GAK: variants seen among roughly 807,000 people sequenced by gnomAD.
GAK encodes cyclin-G-associated kinase.
GAK carries 79 observed loss-of-function variants against 143.9 expected under a neutral mutation model. The observed-to-expected ratio is 0.55, with a 90% confidence interval of 0.46 to 0.66. GAK has a LOEUF of 0.66. Among genes scored for constraint, GAK ranks in the 30% least tolerant of loss-of-function variants. GAK has a pLI of 0.00. For synonymous variants in GAK, 881 were observed against 765.5 expected (o/e 1.15, Z -2.49); for missense variants, 1,693 against 1,779.7 (o/e 0.95, Z 0.88).
intron 4 of GAK, among the ~76,000 whole-genome samples, chr4:905,599 G>A (rs531830658): frequency 7.8e-5 from 11 of 141,664 alleles, no homozygotes; most frequent in South Asian, 2.3e-4. Context: ...GCCACGTTAC[G>A]GACTCCGCCA....
chr4:855,022 C>G (rs111504509), intron 24 of GAK, among the ~76,000 whole-genome samples: 2 of 152,134 alleles, frequency 1.3e-5, no homozygotes, highest in African/African-American at 4.8e-5. Flanking sequence ...CCAGCCTGGG[C>G]GACAGAGCGA....
chr4:928,019 A>G (rs956531186), intron 1 of GAK, among the ~76,000 whole-genome samples: 20 of 152,308 alleles, frequency 1.3e-4, no homozygotes, highest in African/African-American at 4.6e-4. Flanking sequence ...CCTATGTGGG[A>G]AGAGGGTCGG....
intron 24 of GAK, 161 bp downstream of exon 24, chr4:859,445 G>A (rs781291412): frequency 1.3e-6 from 2 of 1,588,378 alleles, no homozygotes; most frequent in East Asian, 2.3e-5. Context: ...CCTGGAACAG[G>A]TGCAGACACG....
chr4:851,885 G>C lies in GAK; in HGVS notation c.3373C>G (p.Pro1125Ala). 1 of 1,611,140 alleles carries C rather than the reference G, an allele frequency of 6.2e-7. No homozygotes were observed. Among genetic ancestry groups the C allele is most frequent in the South Asian group, 1.1e-5 (1 of 90,854 alleles). The change falls in exon 25 of 28, where the codon CCA becomes GCA. Residue 1125 changes from proline to alanine, a missense_variant. Pro to Ala is a conservative substitution (Grantham distance 27). Around this residue, in one of 2 missense-constraint regions of GAK, gnomAD observed 822 missense variants for 788.7 expected, o/e 1.04. Coordinates refer to ENST00000314167, the MANE Select transcript of GAK (RefSeq NM_005255.4). ...GGGGGCCATGAGGCGCCCTGGGCTG[G>C]CGGCCGACTTGTCTGCCAGGAGCTG... ...GSSSWQTSRP[P>A]AQGASWPPQA...
At chr4:924,533 G>A (rs941249378) in intron 1 of GAK, among the ~76,000 whole-genome samples, 14 of 152,034 alleles carry the variant, frequency 9.2e-5, no homozygotes, top group African/African-American at 2.7e-4. Context: ...TCATAACAGC[G>A]GATACGGTTT....
At chr4:914,461 AGTGT>A in intron 1 of GAK, among the ~76,000 whole-genome samples, 1 of 64,248 alleles carries the variant, frequency 1.6e-5, no homozygotes, top group African/African-American at 6.8e-5. Context: ...ACACAGCCCC[AGTGT>A]GCACGGCCCC....
chr4:931,932 G>C (rs901311537), intron 1 of GAK, 111 bp downstream of exon 1: 1 of 802,450 alleles, frequency 1.2e-6, no homozygotes, highest in East Asian at 2.8e-5. Flanking sequence ...GATCCCGCTG[G>C]GACCCTCCCC....
At position 849,418 on chromosome 4, in the gene GAK, A is replaced by C. The variant is rs906344064; in HGVS notation, c.*255T>G. On this transcript the variant is annotated 3_prime_UTR_variant, in exon 28 of 28. Coordinates refer to ENST00000314167, the MANE Select transcript of GAK (RefSeq NM_005255.4). ...GAGGCCACGCCCGAAACACCAAATA[A>C]ATCACAGACGTGACAATTGCGGGAG... is the stretch of plus-strand genomic sequence containing the variant. 1.3e-5 allele frequency: 7 copies of C among 541,204 alleles called. No individual in the cohort carries two copies. Among genetic ancestry groups the C allele is most frequent in the South Asian group, 2.3e-5 (1 of 42,942 alleles). The allele number at this position is 541,204 out of a possible 1,614,324, so 33.5% of individuals were successfully genotyped here. A position where few individuals can be genotyped will look rare whatever the true frequency, so the allele number is the denominator to read the frequency against.
chr4:851,278 T>G, intron 25 of GAK, 194 bp from the exon 26 acceptor site: 1 of 495,102 alleles, frequency 2.0e-6, no homozygotes, highest in Non-Finnish European at 3.7e-6. Context: ...TTACATTTTT[T>G]GTAGAGAGGA....
chr4:857,810 T>A (rs567756104), intron 24 of GAK, among the ~76,000 whole-genome samples: 1 of 152,214 alleles, frequency 6.6e-6, no homozygotes, highest in South Asian at 2.1e-4. Context: ...TTCGCTCCCT[T>A]TTTTTCCCCC....
chr4:888,967 A>G lies in GAK; in HGVS notation c.1085T>C (p.Leu362Pro), dbSNP rs1363687745. 2.5e-6 allele frequency: 4 copies of G among 1,610,824 alleles called. No individual in the cohort carries two copies. The highest frequency in any genetic ancestry group is 2.5e-6 in the Non-Finnish European group (3 of 1,179,432). Residue 362 changes from leucine to proline, a missense_variant, in exon 11 of 28, where the codon CTG (leucine) becomes CCG (proline). Leu to Pro is a moderately conservative substitution (Grantham distance 98). This residue lies in a region of GAK where 871 missense variants were observed against 991.0 expected (regional missense o/e 0.88). Coordinates refer to ENST00000314167, the MANE Select transcript of GAK (RefSeq NM_005255.4). ...CGGCTGGTCGTACTCCGCCAGCGCC[A>G]GGCCTGCAGGGAGACACAGTCTCAG... The part of the protein sequence containing the change: ...GPAGSGYSGG[L>P]ALAEYDQPYG...
chr4:875,940 CAA>C (rs1022725291), intron 18 of GAK, among the ~76,000 whole-genome samples: 1 of 151,266 alleles, frequency 6.6e-6, no homozygotes, highest in Admixed American at 6.6e-5. Flanking sequence ...GACTCTGTCT[CAA>C]AAAAAAAGAC....
chr4:883,347 T>C lies in GAK; in HGVS notation c.1372A>G (p.Arg458Gly), dbSNP rs749925885. 15 of 1,613,436 alleles carry C rather than the reference T, an allele frequency of 9.3e-6. No individual in the cohort carries two copies. Among genetic ancestry groups the C allele is most frequent in the Non-Finnish European group, 8.5e-7 (1 of 1,180,010 alleles). ...GHYAVYNLSPRTYRPSRFHNR... is the reference protein window; with the variant it reads ...GHYAVYNLSPGTYRPSRFHNR... Reference sequence around the variant, plus strand: ...TGGAACCTGGAGGGCCGGTAGGTCCTCGGGGACAGGTTGTAGACGGCATAG... The same window carrying C: ...TGGAACCTGGAGGGCCGGTAGGTCCCCGGGGACAGGTTGTAGACGGCATAG... The change falls in exon 13 of 28, where the codon AGG becomes GGG. Residue 458 changes from arginine to glycine, a missense_variant. Physicochemically the swap from Arg to Gly is moderately radical, Grantham distance 125. Coordinates refer to ENST00000314167, the MANE Select transcript of GAK (RefSeq NM_005255.4).
intron 1 of GAK, among the ~76,000 whole-genome samples, chr4:928,600 T>C (rs1725206379): frequency 6.6e-6 from 1 of 152,168 alleles, no homozygotes; most frequent in Non-Finnish European, 1.5e-5. Flanking sequence ...CCCCTGCCAC[T>C]GAGCCCACCT....
chr4:859,767 G>A (rs773023223), intron 23 of GAK, 45 bp from the exon 24 acceptor site: 8 of 1,377,502 alleles, frequency 5.8e-6, no homozygotes, highest in South Asian at 3.8e-5. Flanking sequence ...CATCTGAAGC[G>A]AAACACATCC....
At chr4:913,463 T>C in intron 2 of GAK, 144 bp downstream of exon 2, 1 of 674,392 alleles carries the variant, frequency 1.5e-6, no homozygotes, top group Non-Finnish European at 2.6e-6. Context: ...CTGCTGAGAT[T>C]CAGCAGAAGC....
intron 20 of GAK, among the ~76,000 whole-genome samples, chr4:868,102 G>A (rs922423928): frequency 2.6e-5 from 4 of 152,158 alleles, no homozygotes; most frequent in African/African-American, 9.7e-5. Flanking sequence ...GAGGTCCAGT[G>A]ATGGCGCCCA....
At chr4:908,036 C>T (rs1397913957) in intron 4 of GAK, among the ~76,000 whole-genome samples, 1 of 152,204 alleles carries the variant, frequency 6.6e-6, no homozygotes, top group Non-Finnish European at 1.5e-5. Flanking sequence ...CACTGGACGC[C>T]GAGCAGCTTC....
chr4:876,733 C>T (rs969392142), intron 17 of GAK, 124 bp from the exon 18 acceptor site: 41 of 790,242 alleles, frequency 5.2e-5, no homozygotes, highest in Non-Finnish European at 7.8e-5. Flanking sequence ...ATGGACGGCG[C>T]CCCCGTGCCA....
Sources: gnomAD v4.1 joint callset for allele counts (sites outside exome capture counted in the v4.1 genomes callset) on GRCh38, gnomAD v4.1.1 for gene constraint, gnomAD v4.1.1 regional missense constraint, MANE v1.5 for transcripts, NCBI Gene and HGNC (gene_info 2026-07-23, HGNC 2026-07-21) for gene names.